The following SCAF4 variants were observed in gnomAD, a reference collection of about 807,000 sequenced individuals.
SCAF4 encodes the protein SR-related CTD associated factor 4.
A neutral mutation model predicts 129.8 loss-of-function variants in SCAF4; 25 were observed. The ratio of observed to expected loss-of-function variants is 0.19; its 90% CI spans 0.14 to 0.27. The LOEUF (loss-of-function observed/expected upper bound fraction) is 0.27, where lower values mean the gene tolerates loss of function less well. Ranked by LOEUF, SCAF4 falls within the 10% of genes least tolerant of loss-of-function variation. The pLI is 1.00. For missense variants in SCAF4, 1,246 were observed against 1,457.1 expected (o/e 0.86, Z 2.36); for synonymous variants, 551 against 497.7 (o/e 1.11, Z -1.43).
chr21:31,709,287 C>T (rs901708023), intron 1 of SCAF4, among the ~76,000 whole-genome samples: 3 of 151,390 alleles, frequency 2.0e-5, no homozygotes, highest in African/African-American at 4.9e-5. Flanking sequence ...TGACTCTTTT[C>T]CCTTCCCTTC....
At chr21:31,679,287 A>AC (rs889768599) in intron 19 of SCAF4, among the ~76,000 whole-genome samples, 5 of 152,148 alleles carry the variant, frequency 3.3e-5, no homozygotes, top group Non-Finnish European at 5.9e-5. Context: ...AGATGTATCA[A>AC]CCACTCATCT....
chr21:31,678,547 G>A (rs2049919731), intron 19 of SCAF4, among the ~76,000 whole-genome samples: 1 of 152,016 alleles, frequency 6.6e-6, no homozygotes. Flanking sequence ...ATCATGGCAT[G>A]GATAAAAGAC....
At chr21:31,700,193 C>T (rs991071026) in intron 7 of SCAF4, among the ~76,000 whole-genome samples, 14 of 150,326 alleles carry the variant, frequency 9.3e-5, no homozygotes, top group Non-Finnish European at 1.5e-4. Flanking sequence ...CACACACACA[C>T]ACACAAATAA....
chr21:31,695,638 A>C (rs1329551818), intron 9 of SCAF4, among the ~76,000 whole-genome samples: 1 of 152,252 alleles, frequency 6.6e-6, no homozygotes, highest in Non-Finnish European at 1.5e-5. Context: ...ATACAGAATC[A>C]AGTTTAAGAA....
intron 1 of SCAF4, among the ~76,000 whole-genome samples, chr21:31,721,108 A>T (rs2051056613): frequency 6.6e-6 from 1 of 152,176 alleles, no homozygotes; most frequent in African/African-American, 2.4e-5. Context: ...CATCACCCCC[A>T]AAACAAATCC....
chr21:31,701,824 A>C lies in SCAF4; in HGVS notation c.552T>G (p.Asp184Glu), dbSNP rs753297040. ...ACAGCTGAGCCACAGCAGCAAAAGC[A>C]TCAGAGCTGGGCAACTGTGGTACAG... ...VPAVPQLPSS[D>E]AFAAVAQLFQ... The change falls in exon 6 of 20, where the codon GAT becomes GAG. Residue 184 changes from aspartate to glutamate, a missense_variant. Coordinates refer to ENST00000286835, the MANE Select transcript of SCAF4 (RefSeq NM_020706.2). The C allele has an allele frequency of 6.2e-7, 1 of 1,613,990 alleles. No homozygotes were observed. Among genetic ancestry groups the C allele is most frequent in the Non-Finnish European group, 8.5e-7 (1 of 1,179,988 alleles).
intron 1 of SCAF4, among the ~76,000 whole-genome samples, chr21:31,724,827 T>A (rs561181514): frequency 6.6e-6 from 1 of 152,356 alleles, no homozygotes; most frequent in South Asian, 2.1e-4. Context: ...TCCATTATTC[T>A]AATTGCTCTC....
chr21:31,706,264 T>C lies in SCAF4; in HGVS notation c.114+10A>G. ...AAAAGATTTCTCAAATTGCTTTATTTTATCATTACCTTAATAGCTTTAATA... is the reference window on the plus strand; with the variant it reads ...AAAAGATTTCTCAAATTGCTTTATTCTATCATTACCTTAATAGCTTTAATA... On this transcript the variant is annotated intron_variant, in intron 2 of 19. Coordinates refer to ENST00000286835, the MANE Select transcript of SCAF4 (RefSeq NM_020706.2). 6.6e-7 allele frequency: 1 copy of C among 1,521,988 alleles called. No individual in the cohort carries two copies. The highest frequency in any genetic ancestry group is 1.4e-5 in the African/African-American group (1 of 71,790). The allele number at this position is 1,521,988 out of a possible 1,614,324, so 94.3% of individuals were successfully genotyped here.
rs140123301 is a variant in SCAF4 at position 31,671,404 on chromosome 21, G to A, written c.3439C>T (p.Arg1147Cys). Residue 1147 changes from arginine (R) to cysteine (C), a missense_variant, in exon 20 of 20, where the codon CGT (arginine) becomes TGT (cysteine). Arg to Cys is a radical substitution (Grantham distance 180). Coordinates refer to ENST00000286835, the MANE Select transcript of SCAF4 (RefSeq NM_020706.2). ...ATTTTCACAAATTCCAGTCTCTAAC[G>A]AGGAGCCTCTGCTGCTGAGCCAGAA... ...KDSGSAAEAP[R>C] The A allele has an allele frequency of 2.9e-5, 47 of 1,612,924 alleles. No individual in the cohort carries two copies. Among genetic ancestry groups the A allele is most frequent in the Admixed American group, 2.2e-4 (13 of 59,976 alleles).
At chr21:31,686,966 T>TA (rs2050141028) in intron 16 of SCAF4, among the ~76,000 whole-genome samples, 1 of 152,192 alleles carries the variant, frequency 6.6e-6, no homozygotes, top group African/African-American at 2.4e-5. Flanking sequence ...CAGCTTTCTG[T>TA]AAATGAGTGC....
At chr21:31,727,764 G>A (rs1463650978) in intron 1 of SCAF4, among the ~76,000 whole-genome samples, 3 of 151,708 alleles carry the variant, frequency 2.0e-5, no homozygotes, top group African/African-American at 4.8e-5. Context: ...GCACTCCAGC[G>A]TGGTGACAGA....
At chr21:31,700,561 C>T (rs2050500324) in intron 7 of SCAF4, among the ~76,000 whole-genome samples, 1 of 151,726 alleles carries the variant, frequency 6.6e-6, no homozygotes, top group African/African-American at 2.4e-5. Context: ...TTAACAACAA[C>T]AAAAAAGATA....
At chr21:31,673,220 T>A (rs2049756819) in intron 19 of SCAF4, among the ~76,000 whole-genome samples, 1 of 152,176 alleles carries the variant, frequency 6.6e-6, no homozygotes, top group South Asian at 2.1e-4. Context: ...CATTTTCTGC[T>A]TGGGGTTCAC....
intron 19 of SCAF4, among the ~76,000 whole-genome samples, chr21:31,682,932 G>C (rs547977388): frequency 5.3e-5 from 8 of 152,134 alleles, no homozygotes; most frequent in Non-Finnish European, 1.0e-4. Context: ...TCCTCTATAA[G>C]GTCAAAATTC....
chr21:31,709,178 A>C (rs975007979), intron 1 of SCAF4, among the ~76,000 whole-genome samples: 3 of 152,110 alleles, frequency 2.0e-5, no homozygotes, highest in Non-Finnish European at 4.4e-5. Context: ...TGGTATCCCC[A>C]TCACTGTGGG....
intron 19 of SCAF4, among the ~76,000 whole-genome samples, chr21:31,675,418 A>G (rs951182838): frequency 1.3e-5 from 2 of 152,216 alleles, no homozygotes; most frequent in Non-Finnish European, 2.9e-5. Flanking sequence ...AGTGACAGTG[A>G]TAGTGACAAG....
intron 14 of SCAF4, among the ~76,000 whole-genome samples, chr21:31,691,585 GA>G: frequency 6.8e-6 from 1 of 146,770 alleles, no homozygotes; most frequent in South Asian, 2.1e-4. Context: ...CTACATTTAG[GA>G]AAAACAAAAC....
chr21:31,692,411 T>G lies in SCAF4; in HGVS notation c.1552A>C (p.Arg518=). The G allele has an allele frequency of 1.2e-6, 2 of 1,614,054 alleles. No homozygotes were observed. The highest frequency in any genetic ancestry group is 1.7e-6 in the Non-Finnish European group (2 of 1,179,950). The change falls in exon 13 of 20, where the codon AGA becomes CGA. Residue 518 remains arginine (R), a synonymous_variant. Transcript: ENST00000286835. The part of the protein sequence containing the change: ...TTLWVGQLDK[R]TTQQDVASLL... ...CTGGCAACATCCTGCTGAGTAGTTC[T>G]TTTGTCCAGCTGCCCCACCCAGAGG...
intron 1 of SCAF4, among the ~76,000 whole-genome samples, chr21:31,722,896 T>C (rs1031698922): frequency 6.6e-6 from 1 of 152,146 alleles, no homozygotes; most frequent in African/African-American, 2.4e-5. Context: ...GAGGTTGCAG[T>C]GAGCTGCGAT....
Sources: allele counts gnomAD v4.1 joint callset (sites outside exome capture counted in the v4.1 genomes callset), GRCh38; gene constraint gnomAD v4.1.1; transcripts MANE v1.5; gene names NCBI Gene and HGNC (gene_info 2026-07-23, HGNC 2026-07-21).